Variants in MCPH1 observed in about 807,000 individuals in gnomAD.
MCPH1 encodes microcephalin 1, also known as microcephalin.
MCPH1 carries 104 observed loss-of-function variants against 84.5 expected under a neutral mutation model. The ratio of observed to expected loss-of-function variants is 1.23; its 90% confidence interval spans 1.05 to 1.45. The LOEUF (loss-of-function observed/expected upper bound fraction) is 1.45. Ranked by LOEUF, MCPH1 falls within the 40% of genes most tolerant of loss-of-function variation. MCPH1 has a pLI of 0.00. For missense variants in MCPH1, 1,498 were observed against 1,005.7 expected (o/e 1.49, Z -6.62); for synonymous variants, 514 against 366.8 (o/e 1.40, Z -4.58).
Position 6,414,699 on chromosome 8 carries a change from G to C in MCPH1, c.115-66G>C, listed in dbSNP as rs548852843. 8 of 1,563,058 alleles carry C rather than the reference G, an allele frequency of 5.1e-6. 1 individual carries two copies. The South Asian group carries it at 9.3e-5, about 18-fold the overall frequency. ...AGAATTGCTGGGGTAGAGGTTTTTT[G>C]ATCAGTTGTAGTTAAGTTGTGAATG... On this transcript the variant is annotated intron_variant, in intron 2 of 13. Transcript: ENST00000344683.
intron 11 of MCPH1, among the ~76,000 whole-genome samples, chr8:6,484,722 A>G (rs778165995): frequency 6.6e-6 from 1 of 152,250 alleles, no homozygotes. Context: ...AGCAGCTTGC[A>G]TGACTCTCAG....
At chr8:6,570,256 T>C (rs1278462384) in intron 12 of MCPH1, among the ~76,000 whole-genome samples, 3 of 152,198 alleles carry the variant, frequency 2.0e-5, no homozygotes, top group South Asian at 2.1e-4. Context: ...AATATAAATA[T>C]AGCATTTGAC....
chr8:6,569,864 C>A (rs945855954), intron 12 of MCPH1, among the ~76,000 whole-genome samples: 1 of 152,200 alleles, frequency 6.6e-6, no homozygotes, highest in African/African-American at 2.4e-5. Flanking sequence ...AGACTCTTAG[C>A]GGCCTTCAGT....
intron 3 of MCPH1, among the ~76,000 whole-genome samples, chr8:6,418,641 G>C (rs977123829): frequency 1.3e-5 from 2 of 151,982 alleles, no homozygotes; most frequent in Admixed American, 6.5e-5. Flanking sequence ...GGAGTGCAGT[G>C]GCGCGATCTG....
intron 12 of MCPH1, among the ~76,000 whole-genome samples, chr8:6,540,188 T>TCACATATATTTGAATATATGTTTTTC (rs1821288593): frequency 1.3e-5 from 2 of 152,222 alleles, no homozygotes; most frequent in African/African-American, 4.8e-5. Flanking sequence ...TTAATTTTTT[T>TCACATATATTTGAATATATGTTTTTC]CACATATATT....
chr8:6,418,156 C>T (rs1289849163), intron 3 of MCPH1, among the ~76,000 whole-genome samples: 1 of 152,090 alleles, frequency 6.6e-6, no homozygotes, highest in African/African-American at 2.4e-5. Context: ...CCTCATTTCT[C>T]TAGTAGCCCT....
Position 6,477,354 on chromosome 8 carries a change from G to A in MCPH1, c.1936-240G>A, listed in dbSNP as rs555565525. On this transcript the variant is annotated intron_variant, in intron 9 of 13. Transcript: ENST00000344683. ...ACAGATTCCTGGGGGAAATTTTTTT[G>A]TTTTGCTCTTGTACCTCATGTCTGG... The A allele has an allele frequency of 3.1e-5, 15 of 480,766 alleles. No individual in the cohort carries two copies. In the South Asian group the frequency reaches 4.0e-4, roughly 13 times the overall value. 29.8% of individuals were successfully genotyped at this position (480,766 alleles called of 1,614,324 possible).
intron 11 of MCPH1, among the ~76,000 whole-genome samples, chr8:6,487,471 C>G (rs1355932044): frequency 1.3e-5 from 2 of 152,230 alleles, no homozygotes; most frequent in Non-Finnish European, 2.9e-5. Flanking sequence ...ACTGGAATCT[C>G]AGCTTTTCAC....
intron 11 of MCPH1, among the ~76,000 whole-genome samples, chr8:6,497,923 G>C (rs1391581688): frequency 6.6e-6 from 1 of 152,170 alleles, no homozygotes; most frequent in Non-Finnish European, 1.5e-5. Flanking sequence ...ATAAACTGAA[G>C]AAGTCTGCCT....
At chr8:6,436,916 G>A (rs2129554670) in intron 5 of MCPH1, among the ~76,000 whole-genome samples, 1 of 152,112 alleles carries the variant, frequency 6.6e-6, no homozygotes, top group African/African-American at 2.4e-5. Flanking sequence ...CTTGCAGTGA[G>A]CCGAGACTGC....
chr8:6,454,490 G>A (rs1444266126), intron 8 of MCPH1, among the ~76,000 whole-genome samples: 1 of 152,214 alleles, frequency 6.6e-6, no homozygotes, highest in Non-Finnish European at 1.5e-5. Context: ...GTGAGAGTAA[G>A]AGGCACCCTC....
At chr8:6,531,665 A>G (rs1483863934) in intron 12 of MCPH1, among the ~76,000 whole-genome samples, 5 of 152,174 alleles carry the variant, frequency 3.3e-5, no homozygotes, top group African/African-American at 7.2e-5. Flanking sequence ...TGGAAAGAGA[A>G]CTTAGCAATC....
intron 12 of MCPH1, among the ~76,000 whole-genome samples, chr8:6,580,645 T>C (rs1179727309): frequency 3.9e-5 from 6 of 152,008 alleles, no homozygotes; most frequent in Non-Finnish European, 8.8e-5. Context: ...AGCAAGACTC[T>C]ATCTCAACCA....
rs79700320 is a variant in MCPH1, at chr8:6,542,225, A to T, written c.2214+42296A>T. ...ATGTCTCAGTGTTTTTCTATGCCAA[A>T]TAGAATCTTATGTATATCTGTCTAG... On this transcript the variant is annotated intron_variant, in intron 12 of 13. Transcript: ENST00000344683. Among the ~76,000 whole-genome samples, 429 of 152,284 alleles carry T rather than the reference A, an allele frequency of 2.8e-3. 8 individuals carry two copies. In the East Asian group the frequency reaches 0.063, roughly 22 times the overall value.
chr8:6,413,554 T>C (rs563517250), intron 2 of MCPH1, among the ~76,000 whole-genome samples: 1 of 151,950 alleles, frequency 6.6e-6, no homozygotes, highest in Non-Finnish European at 1.5e-5. Context: ...TGGTCTGAGC[T>C]TCTGATGTTC....
chr8:6,555,707 C>A lies in MCPH1; in HGVS notation c.2214+55778C>A, dbSNP rs184977906. Among the ~76,000 whole-genome samples, 19 of 152,288 alleles carry A rather than the reference C, an allele frequency of 1.2e-4. No individual in the cohort carries two copies. In the East Asian group the frequency reaches 3.5e-3, roughly 28 times the overall value. ...TGAACTCCTGAGCTCAAGCGACCCA[C>A]CCGCTTCGGCCTCCGAAAGTGCTGC... On this transcript the variant is annotated intron_variant, in intron 12 of 13. Coordinates refer to ENST00000344683, the MANE Select transcript of MCPH1 (RefSeq NM_024596.5).
At chr8:6,511,674 T>G (rs571386064) in intron 12 of MCPH1, among the ~76,000 whole-genome samples, 1 of 152,184 alleles carries the variant, frequency 6.6e-6, no homozygotes, top group South Asian at 2.1e-4. Flanking sequence ...AGGATAATAA[T>G]TTTCGATGTA....
At chr8:6,625,267 G>A (rs1563208961) in intron 13 of MCPH1, 1 of 985,464 alleles carries the variant, frequency 1.0e-6, no homozygotes, top group African/African-American at 1.7e-5. Context: ...GGTTAAAGGA[G>A]GAAACACAGA....
At position 6,643,090 on chromosome 8, in the gene MCPH1, A is replaced by G. The variant is rs62496956; in HGVS notation, c.*41A>G. 6.4e-7 allele frequency: 1 copy of G among 1,553,258 alleles called. No individual in the cohort carries two copies. On this transcript the variant is annotated 3_prime_UTR_variant, in exon 14 of 14. Coordinates refer to ENST00000344683, the MANE Select transcript of MCPH1 (RefSeq NM_024596.5). The stretch of plus-strand genomic sequence containing the variant: ...CCTGTGGTGACTGCACACAGCTCGC[A>G]AAACTGTCTTTGGATGTTCAAATGA...
Sources: allele counts gnomAD v4.1 joint callset (sites outside exome capture counted in the v4.1 genomes callset), GRCh38; gene constraint gnomAD v4.1.1; transcripts MANE v1.5; gene names NCBI Gene and HGNC (gene_info 2026-07-23, HGNC 2026-07-21).